The following CC2D2B variants were observed in gnomAD, a reference collection of about 807,000 sequenced individuals.
The protein encoded by CC2D2B is protein CC2D2B.
A neutral mutation model predicts 161.2 loss-of-function variants in CC2D2B; 128 were observed. That is an observed-to-expected ratio of 0.79 (90% CI 0.69 to 0.92). The LOEUF (loss-of-function observed/expected upper bound fraction) is 0.92, where lower values mean the gene tolerates loss of function less well. Among genes scored for constraint, CC2D2B ranks in the 40% least tolerant of loss-of-function variants. The pLI, the probability that CC2D2B is intolerant of heterozygous loss-of-function variation, is 0.00. For missense variants in CC2D2B, 1,173 were observed against 1,375.1 expected (o/e 0.85, Z 2.32); for synonymous variants, 391 against 449.8 (o/e 0.87, Z 1.65).
chr10:95,936,913 G>A (rs2075842452), intron 6 of CC2D2B, among the ~76,000 whole-genome samples: 1 of 152,136 alleles, frequency 6.6e-6, no homozygotes, highest in South Asian at 2.1e-4. Flanking sequence ...AGCTCCAGTT[G>A]GAGCAAAGAG....
chr10:95,973,084 G>A (rs1277056792), intron 16 of CC2D2B, among the ~76,000 whole-genome samples: 1 of 151,920 alleles, frequency 6.6e-6, no homozygotes, highest in Non-Finnish European at 1.5e-5. Context: ...CTAGGGGTTT[G>A]GAAACTACTT....
At chr10:96,016,178 C>G (rs1480217119) in intron 29 of CC2D2B, 23 bp from the exon 30 acceptor site, 11 of 1,525,162 alleles carry the variant, frequency 7.2e-6, no homozygotes, top group South Asian at 1.1e-5. Context: ...TTTTTTGTTC[C>G]TATTGCTTTT....
At chr10:95,935,806 A>T (rs376508208) in intron 6 of CC2D2B, among the ~76,000 whole-genome samples, 20 of 152,116 alleles carry the variant, frequency 1.3e-4, no homozygotes, top group Admixed American at 9.8e-4. Context: ...ACCCTATCTA[A>T]AATAGTACCC....
intron 17 of CC2D2B, among the ~76,000 whole-genome samples, chr10:95,981,316 CT>C (rs2141587932): frequency 6.6e-6 from 1 of 150,838 alleles, no homozygotes; most frequent in East Asian, 2.0e-4. Context: ...CGCTTTGAAC[CT>C]GGGAGGCAGA....
chr10:95,937,205 GA>G (rs1436502207), intron 6 of CC2D2B, among the ~76,000 whole-genome samples: 2 of 152,074 alleles, frequency 1.3e-5, no homozygotes, highest in East Asian at 3.9e-4. Context: ...GGAATTCTGT[GA>G]TTAACTTTTT....
At chr10:96,010,980 C>A (rs938771918) in intron 26 of CC2D2B, among the ~76,000 whole-genome samples, 3 of 152,082 alleles carry the variant, frequency 2.0e-5, no homozygotes, top group Non-Finnish European at 4.4e-5. Flanking sequence ...GGATTGTAAG[C>A]CTTGTTTATT....
At position 96,021,900 on chromosome 10, in the gene CC2D2B, T is replaced by C. The variant is rs1199614130; in HGVS notation, c.3888+2076T>C. 2.0e-5 allele frequency among the ~76,000 whole-genome samples: 3 copies of C among 152,228 alleles called. No individual in the cohort carries two copies. The East Asian group carries it at 5.8e-4, about 29-fold the overall frequency. On this transcript the variant is annotated intron_variant, in intron 32 of 34. Transcript: ENST00000646931. ...AGATGTAGCTAGGTGGTAGGTATGC[T>C]AGGTGGATGTTCATTACATTATTCT...
intron 30 of CC2D2B, among the ~76,000 whole-genome samples, chr10:96,016,797 T>C (rs1458291191): frequency 1.3e-5 from 2 of 152,242 alleles, no homozygotes; most frequent in Non-Finnish European, 2.9e-5. Context: ...CTCGCCTCAC[T>C]ACAACCTCTG....
chr10:96,027,137 A>C, intron 33 of CC2D2B, 75 bp from the exon 34 acceptor site: 1 of 1,125,584 alleles, frequency 8.9e-7, no homozygotes, highest in Non-Finnish European at 1.2e-6. Flanking sequence ...AAAAAAAAAA[A>C]GTCACAAAAC....
chr10:95,993,899 AATGTGTGTGTGTG>A (rs2078078970), intron 22 of CC2D2B, among the ~76,000 whole-genome samples: 7 of 55,494 alleles, frequency 1.3e-4, no homozygotes, highest in African/African-American at 4.5e-4. Context: ...AGAGAGAGAG[AATGTGTGTGTGTG>A]TGTGTGTGTG....
chr10:96,028,717 A>G (rs1032518965), intron 34 of CC2D2B, among the ~76,000 whole-genome samples: 31 of 152,232 alleles, frequency 2.0e-4, no homozygotes, highest in Non-Finnish European at 4.4e-5. Context: ...AAGATTTGCA[A>G]GCAACCTAAG....
chr10:96,023,632 A>C (rs962764281), intron 32 of CC2D2B, among the ~76,000 whole-genome samples: 17 of 152,198 alleles, frequency 1.1e-4, no homozygotes, highest in African/African-American at 4.1e-4. Flanking sequence ...TGTGTGAGAT[A>C]GCTGCCAGCT....
At chr10:96,003,777 A>G (rs1457525175) in intron 24 of CC2D2B, among the ~76,000 whole-genome samples, 2 of 152,284 alleles carry the variant, frequency 1.3e-5, no homozygotes, top group African/African-American at 4.8e-5. Flanking sequence ...ATTTAAAGTC[A>G]TATCTATTAA....
At position 96,032,730 on chromosome 10, in the gene CC2D2B, C is replaced by A. The variant is rs1235388079; in HGVS notation, c.*722C>A. The stretch of plus-strand genomic sequence containing the variant: ...TCAAAAGTTTGCACTTTGGATGCTA[C>A]TGACATGAAATTCTTACAGCTCCAT... On this transcript the variant is annotated 3_prime_UTR_variant, in exon 35 of 35. Coordinates refer to ENST00000646931, the MANE Select transcript of CC2D2B (RefSeq NM_001349008.3). 4 of 465,962 alleles carry A rather than the reference C, an allele frequency of 8.6e-6. No homozygotes were observed. The highest frequency in any genetic ancestry group is 1.8e-5 in the Non-Finnish European group (4 of 224,508). The allele number at this position is 465,962 out of a possible 1,614,324, so 28.9% of individuals were successfully genotyped here.
intron 14 of CC2D2B, among the ~76,000 whole-genome samples, chr10:95,967,961 G>A (rs1375853506): frequency 6.6e-6 from 1 of 152,158 alleles, no homozygotes; most frequent in Admixed American, 6.6e-5. Flanking sequence ...AGAGGGTCAA[G>A]TCTTAAACAT....
intron 5 of CC2D2B, among the ~76,000 whole-genome samples, chr10:95,926,880 G>A (rs1248356820): frequency 3.3e-5 from 5 of 151,360 alleles, no homozygotes; most frequent in South Asian, 2.1e-4. Flanking sequence ...GTGTGCGCGC[G>A]CCTGAACAGG....
At chr10:95,908,557 G>A (rs993640049) in intron 1 of CC2D2B, among the ~76,000 whole-genome samples, 2 of 152,150 alleles carry the variant, frequency 1.3e-5, no homozygotes, top group Non-Finnish European at 2.9e-5. Context: ...AAAGGTTGGA[G>A]ATGCCAGGGA....
intron 29 of CC2D2B, among the ~76,000 whole-genome samples, chr10:96,015,065 T>C (rs1480052177): frequency 6.6e-6 from 1 of 151,618 alleles, no homozygotes; most frequent in African/African-American, 2.4e-5. Context: ...GGAGAGTGCA[T>C]GCCACATCAT....
intron 6 of CC2D2B, among the ~76,000 whole-genome samples, chr10:95,935,484 A>AT (rs58521001): frequency 0.039 from 5,495 of 140,044 alleles, 141 homozygotes; most frequent in South Asian, 0.087. Context: ...TCTAAGACAG[A>AT]TTTTTTTTTT....
Sources: allele counts gnomAD v4.1 joint callset (sites outside exome capture counted in the v4.1 genomes callset), GRCh38; gene constraint gnomAD v4.1.1; transcripts MANE v1.5; gene names NCBI Gene and HGNC (gene_info 2026-07-23, HGNC 2026-07-21).